NTSR1: variants seen among roughly 807,000 people sequenced by gnomAD.
NTSR1 encodes neurotensin receptor 1.
Under a neutral mutation model 31.2 loss-of-function variants are expected in NTSR1, and 29 were observed. The observed-to-expected ratio is 0.93, with a 90% CI of 0.69 to 1.27. The LOEUF is 1.27. Ranked by LOEUF, NTSR1 falls within the 50% of genes most tolerant of loss-of-function variation. NTSR1 has a pLI of 0.00. For synonymous variants in NTSR1, 282 were observed against 269.9 expected (o/e 1.04, Z -0.44); for missense variants, 697 against 595.4 (o/e 1.17, Z -1.78).
At position 62,760,001 on chromosome 20, in the gene NTSR1, C is replaced by T; in HGVS notation, c.1008-17C>T. On this transcript the variant is annotated splice_polypyrimidine_tract_variant and intron_variant, in intron 3 of 3. Coordinates refer to ENST00000370501, the MANE Select transcript of NTSR1 (RefSeq NM_002531.3). ...AAGAGTTCTCTCTGGGATCTGAGCG[C>T]CTCTCTCTCCCCGCAGGTTCCTCTA... 1.9e-6 allele frequency: 3 copies of T among 1,611,358 alleles called. No individual in the cohort carries two copies. Among genetic ancestry groups the T allele is most frequent in the South Asian group, 1.1e-5 (1 of 91,042 alleles).
intron 2 of NTSR1, among the ~76,000 whole-genome samples, chr20:62,757,635 G>A (rs1989533098): frequency 1.3e-5 from 2 of 152,182 alleles, no homozygotes; most frequent in South Asian, 2.1e-4. Flanking sequence ...GCTTTGGGTA[G>A]TACTGACACC....
chr20:62,710,269 G>A (rs1988581533), intron 1 of NTSR1, among the ~76,000 whole-genome samples: 1 of 152,224 alleles, frequency 6.6e-6, no homozygotes, highest in Non-Finnish European at 1.5e-5. Flanking sequence ...AAAAGACTGT[G>A]CCACCAACAG....
intron 1 of NTSR1, among the ~76,000 whole-genome samples, chr20:62,746,638 A>G (rs951831222): frequency 6.6e-6 from 1 of 152,218 alleles, no homozygotes; most frequent in African/African-American, 2.4e-5. Flanking sequence ...ACTGTGAACA[A>G]TTTTATACAA....
chr20:62,723,888 C>T (rs1408413909), intron 1 of NTSR1, among the ~76,000 whole-genome samples: 1 of 152,194 alleles, frequency 6.6e-6, no homozygotes, highest in Non-Finnish European at 1.5e-5. Context: ...ACACGCTGAC[C>T]CCCTGGGTGG....
In NTSR1 at chr20:62,714,094, GA is replaced by G. The variant is rs952591084; in HGVS notation, c.714+4182del. On this transcript the variant is annotated intron_variant, in intron 1 of 3. Coordinates refer to ENST00000370501, the MANE Select transcript of NTSR1 (RefSeq NM_002531.3). The surrounding 1 kb of genome is among the most constrained non-coding windows in gnomAD (Gnocchi z 4.1). ...CAGCCTGGGTGACAACTGTCTCAAA[GA>G]AAAAAAAAGTTGCAGAAGAAGTTCT... is the stretch of plus-strand genomic sequence containing the variant. Among the ~76,000 whole-genome samples the G allele has an allele frequency of 1.1e-4, 17 of 151,510 alleles. No homozygotes were observed. The highest frequency in any genetic ancestry group is 2.1e-4 in the South Asian group (1 of 4,818).
intron 1 of NTSR1, among the ~76,000 whole-genome samples, chr20:62,731,769 A>C (rs1989004753): frequency 6.6e-6 from 1 of 152,176 alleles, no homozygotes; most frequent in Non-Finnish European, 1.5e-5. Context: ...GTGTCCGTCC[A>C]CTTCTGGGCT....
chr20:62,726,222 C>T (rs1164697832), intron 1 of NTSR1, among the ~76,000 whole-genome samples: 1 of 152,192 alleles, frequency 6.6e-6, no homozygotes, highest in Non-Finnish European at 1.5e-5. Context: ...CTGGGATCAC[C>T]TTGCAGAAAC....
At chr20:62,738,733 G>A (rs1382988479) in intron 1 of NTSR1, among the ~76,000 whole-genome samples, 1 of 152,246 alleles carries the variant, frequency 6.6e-6, no homozygotes, top group East Asian at 1.9e-4. Flanking sequence ...CTGGGAACAC[G>A]TCCAGGCTCA....
rs553728108 is a variant in NTSR1 at position 62,745,853 on chromosome 20, G to A, written c.715-8832G>A. ...GGTCTGGGAGTCCCAGCCACCACGC[G>A]TCCCCCAGAATATTCATGGGGCTGG... On this transcript the variant is annotated intron_variant, in intron 1 of 3. Transcript: ENST00000370501. This position sits in a 1 kb window ranked among gnomAD's most constrained non-coding sequence, Gnocchi z 4.1. Among the ~76,000 whole-genome samples, 9 of 152,274 alleles carry A rather than the reference G, an allele frequency of 5.9e-5. No individual in the cohort carries two copies. The South Asian group carries it at 1.2e-3, about 21-fold the overall frequency.
intron 3 of NTSR1, among the ~76,000 whole-genome samples, chr20:62,759,765 A>C (rs1600740009): frequency 2.0e-5 from 2 of 102,436 alleles, no homozygotes. Flanking sequence ...ACAGAGCGAG[A>C]CTCCGTCTCA....
Position 62,743,792 on chromosome 20 carries a change from TG to T in NTSR1, c.715-10892del, listed in dbSNP as rs1989245580. 1.3e-5 allele frequency among the ~76,000 whole-genome samples: 2 copies of T among 152,216 alleles called. No individual in the cohort carries two copies. Among genetic ancestry groups the T allele is most frequent in the African/African-American group, 4.8e-5 (2 of 41,458 alleles). ...AAAGGCAGAATACAAAACAAGCAAT[TG>T]CTCTCGAAGAGCGAGGTGAGAACGC... On this transcript the variant is annotated intron_variant, in intron 1 of 3. Coordinates refer to ENST00000370501, the MANE Select transcript of NTSR1 (RefSeq NM_002531.3). The surrounding 1 kb of genome is among the most constrained non-coding windows in gnomAD (Gnocchi z 7.5).
rs1165993852 is a variant in NTSR1 at position 62,732,367 on chromosome 20, T to A, written c.715-22318T>A. ...AGGGAGTTCCCTTGTATTCCTGGCT[T>A]GTGAAAGGTTTTTCTCACAGATGGG... On this transcript the variant is annotated intron_variant, in intron 1 of 3. Transcript: ENST00000370501. The surrounding 1 kb of genome is among the most constrained non-coding windows in gnomAD (Gnocchi z 4.0). Among the ~76,000 whole-genome samples, 1 of 152,184 alleles carries A rather than the reference T, an allele frequency of 6.6e-6. No individual in the cohort carries two copies. Among genetic ancestry groups the A allele is most frequent in the African/African-American group, 2.4e-5 (1 of 41,444 alleles).
chr20:62,759,662 C>G (rs1167333293), intron 3 of NTSR1, among the ~76,000 whole-genome samples: 1 of 151,860 alleles, frequency 6.6e-6, no homozygotes, highest in East Asian at 1.9e-4. Context: ...GTAGTCCCAG[C>G]TACTCGGGAG....
chr20:62,744,753 C>G lies in NTSR1; in HGVS notation c.715-9932C>G, dbSNP rs1989268668. 1.3e-5 allele frequency among the ~76,000 whole-genome samples: 2 copies of G among 152,154 alleles called. No individual in the cohort carries two copies. The highest frequency in any genetic ancestry group is 4.2e-4 in the South Asian group (2 of 4,810). On this transcript the variant is annotated intron_variant, in intron 1 of 3. Coordinates refer to ENST00000370501, the MANE Select transcript of NTSR1 (RefSeq NM_002531.3). The surrounding 1 kb of genome is among the most constrained non-coding windows in gnomAD (Gnocchi z 4.1). ...ACAAAAAAAAAAGAGAGAAATGAGC[C>G]TGAGGCCCAGGAGGACCTGCCGAGC...
At chr20:62,749,964 A>G (rs1262698387) in intron 1 of NTSR1, among the ~76,000 whole-genome samples, 1 of 152,162 alleles carries the variant, frequency 6.6e-6, no homozygotes, top group East Asian at 1.9e-4. Flanking sequence ...ATGCAAAGGA[A>G]GCGGAATCCG....
chr20:62,726,740 C>G (rs1178376754), intron 1 of NTSR1, among the ~76,000 whole-genome samples: 1 of 151,342 alleles, frequency 6.6e-6, no homozygotes, highest in African/African-American at 2.4e-5. Flanking sequence ...CTGTGGAGTG[C>G]TTTTCTCATT....
chr20:62,751,165 C>T (rs978271999), intron 1 of NTSR1, among the ~76,000 whole-genome samples: 27 of 152,160 alleles, frequency 1.8e-4, no homozygotes, highest in Admixed American at 1.3e-3. Flanking sequence ...GAATGAGCCA[C>T]GGTACCTGGC....
Position 62,762,391 on chromosome 20 carries a change from A to G in NTSR1, c.*2124A>G, listed in dbSNP as rs918854220. On this transcript the variant is annotated 3_prime_UTR_variant, in exon 4 of 4. Transcript: ENST00000370501. ...TGAGAGAGGGCAGAGTGGATGCCCCACTGCCCTAGACCCTCGGTAGACGTG... is the reference window on the plus strand; with the variant it reads ...TGAGAGAGGGCAGAGTGGATGCCCCGCTGCCCTAGACCCTCGGTAGACGTG... 2 of 152,140 alleles carry G rather than the reference A, an allele frequency of 1.3e-5. No individual in the cohort carries two copies. Among genetic ancestry groups the G allele is most frequent in the Admixed American group, 6.5e-5 (1 of 15,282 alleles). The allele number at this position is 152,140 out of a possible 1,614,324, so 9.4% of individuals were successfully genotyped here. A position where few individuals can be genotyped will look rare whatever the true frequency, so the allele number is the denominator to read the frequency against.
At chr20:62,740,886 G>T (rs1010947259) in intron 1 of NTSR1, among the ~76,000 whole-genome samples, 18 of 152,214 alleles carry the variant, frequency 1.2e-4, no homozygotes, top group Non-Finnish European at 1.5e-4. Context: ...AGCCTCAACC[G>T]CTGGCTGTCA....
Sources: allele counts gnomAD v4.1 joint callset (sites outside exome capture counted in the v4.1 genomes callset), GRCh38; gene constraint gnomAD v4.1.1; non-coding constraint Gnocchi (gnomAD v3.1); transcripts MANE v1.5; gene names NCBI Gene and HGNC (gene_info 2026-07-23, HGNC 2026-07-21).